HIRA: variants seen among roughly 807,000 people sequenced by gnomAD.
The protein encoded by HIRA is protein HIRA.
HIRA carries 13 observed loss-of-function variants against 126.6 expected under a neutral mutation model. The observed-to-expected ratio is 0.10, with a 90% CI of 0.07 to 0.16. The LOEUF (loss-of-function observed/expected upper bound fraction) is 0.16. HIRA is among the 10% of genes least tolerant of loss of function. The probability of loss-of-function intolerance (pLI) is 1.00; values close to 1 mark genes in which losing one functional copy is unlikely to be tolerated. For missense variants in HIRA, 834 were observed against 1,314.4 expected, an observed-to-expected ratio of 0.63 and a Z score of 5.65; for synonymous variants, 511 against 520.0, an observed-to-expected ratio of 0.98 and a Z score of 0.24.
At chr22:19,354,249 C>T in intron 21 of HIRA, 131 bp from the exon 22 acceptor site, 1 of 842,160 alleles carries the variant, frequency 1.2e-6, no homozygotes. Flanking sequence ...CCAGTAGAGG[C>T]TGAGCGCCCC....
chr22:19,411,218 C>G (rs2089349577), intron 1 of HIRA, among the ~76,000 whole-genome samples: 1 of 152,252 alleles, frequency 6.6e-6, no homozygotes, highest in African/African-American at 2.4e-5. Flanking sequence ...ACTTCTGCTT[C>G]CAAACAGCCC....
chr22:19,371,262 T>C (rs914242807), intron 15 of HIRA, among the ~76,000 whole-genome samples: 1 of 152,196 alleles, frequency 6.6e-6, no homozygotes, highest in Non-Finnish European at 1.5e-5. Context: ...TCCTCTCTAT[T>C]GCCCTGTCTT....
In HIRA at chr22:19,331,218, G is replaced by A. The variant is rs782328265; in HGVS notation, c.*222C>T. 6.1e-6 allele frequency: 9 copies of A among 1,469,138 alleles called. No homozygotes were observed. Among genetic ancestry groups the A allele is most frequent in the East Asian group, 2.8e-5 (1 of 35,102 alleles). The allele number at this position is 1,469,138 out of a possible 1,614,324, so 91.0% of individuals were successfully genotyped here. ...GCTCCAGCCCTAGCTCCGCATCGGG[G>A]GCTTGGAGGGAGGGATGAGCTTCCC... is the stretch of plus-strand genomic sequence containing the variant. On this transcript the variant is annotated 3_prime_UTR_variant, in exon 25 of 25. Transcript: ENST00000263208.
intron 1 of HIRA, 86 bp from the exon 2 acceptor site, chr22:19,410,864 T>A: frequency 9.5e-7 from 1 of 1,055,560 alleles, no homozygotes; most frequent in Non-Finnish European, 1.4e-6. Flanking sequence ...AGTTAAAGTC[T>A]AAACTGCTAG....
At chr22:19,388,636 GAA>G in intron 9 of HIRA, 82 bp from the exon 10 acceptor site, 1 of 1,064,824 alleles carries the variant, frequency 9.4e-7, no homozygotes, top group Non-Finnish European at 1.4e-6. Context: ...AACCAACCTA[GAA>G]GCCTGGGTCA....
intron 1 of HIRA, among the ~76,000 whole-genome samples, chr22:19,411,120 A>G (rs1406695802): frequency 4.6e-5 from 7 of 152,258 alleles, no homozygotes; most frequent in Non-Finnish European, 1.0e-4. Flanking sequence ...GGCAGCCTAG[A>G]CAGAAGGACT....
chr22:19,353,176 A>C (rs1556011378), intron 23 of HIRA, among the ~76,000 whole-genome samples, 180 bp downstream of exon 23: 1 of 152,192 alleles, frequency 6.6e-6, no homozygotes, highest in Non-Finnish European at 1.5e-5. Context: ...CACTCTATTC[A>C]GAGCCTCAGA....
chr22:19,355,698 T>C, intron 21 of HIRA, 62 bp downstream of exon 21: 1 of 1,249,472 alleles, frequency 8.0e-7, no homozygotes. Context: ...GACCCTTTGC[T>C]CTGCTGTCTA....
At chr22:19,340,303 T>C (rs1019453520) in intron 24 of HIRA, among the ~76,000 whole-genome samples, 4 of 151,846 alleles carry the variant, frequency 2.6e-5, no homozygotes, top group Non-Finnish European at 5.9e-5. Context: ...CGAAAAAGCA[T>C]CTGACAAAAT....
chr22:19,381,272 T>G (rs887356907), intron 13 of HIRA, among the ~76,000 whole-genome samples: 1 of 152,252 alleles, frequency 6.6e-6, no homozygotes, highest in African/African-American at 2.4e-5. Flanking sequence ...ATGGCAGCTT[T>G]TCCAGTTGAT....
At chr22:19,418,768 C>G (rs1327522590) in intron 1 of HIRA, among the ~76,000 whole-genome samples, 2 of 152,024 alleles carry the variant, frequency 1.3e-5, no homozygotes, top group African/African-American at 4.8e-5. Context: ...ACAAACAAAA[C>G]TGGGGAAATA....
rs761906815 is a variant in HIRA at position 19,405,817 on chromosome 22, C to T, written c.366G>A (p.Arg122=). Residue 122 remains arginine, a synonymous_variant, in exon 5 of 25, where the codon CGG becomes CGA. Coordinates refer to ENST00000263208, the MANE Select transcript of HIRA (RefSeq NM_003325.4). ...AATGATTCCGGAGGATAGAGACACA[C>T]CGCCACTGCTCCACATTGGCAAGCT... ...SGKLANVEQW[R]CVSILRNHSG... is the part of the protein sequence containing the mutation. 4 of 1,499,936 alleles carry T rather than the reference C, an allele frequency of 2.7e-6. No individual in the cohort carries two copies. The highest frequency in any genetic ancestry group is 2.7e-6 in the Non-Finnish European group (3 of 1,117,786). 92.9% of individuals were successfully genotyped at this position (1,499,936 alleles called of 1,614,324 possible). A position where few individuals can be genotyped will look rare whatever the true frequency, so the allele number is the denominator to read the frequency against.
chr22:19,431,365 G>C, intron 1 of HIRA, 75 bp downstream of exon 1: 1 of 1,516,412 alleles, frequency 6.6e-7, no homozygotes, highest in South Asian at 1.1e-5. Context: ...GGCAGGACTT[G>C]CGCGCGCCCC....
Position 19,353,390 on chromosome 22 carries a change from C to G in HIRA, c.2814G>C (p.Trp938Cys). The G allele has an allele frequency of 6.2e-7, 1 of 1,613,012 alleles. No individual in the cohort carries two copies. The highest frequency in any genetic ancestry group is 8.5e-7 in the Non-Finnish European group (1 of 1,180,000). The change falls in exon 23 of 25, where the codon TGG (tryptophan) becomes TGC (cysteine). Residue 938 changes from tryptophan to cysteine, a missense_variant. By Grantham distance (215) the Trp-to-Cys change is radical. Coordinates refer to ENST00000263208, the MANE Select transcript of HIRA (RefSeq NM_003325.4). ...TLQSSHEYRHWLLVYARYLVN... is the reference protein window; with the variant it reads ...TLQSSHEYRHCLLVYARYLVN... Reference sequence around the variant, plus strand: ...CGAGGTACCGTGCGTAGACGAGGAGCCAATGGCGGTACTCGTGGCTGGACT... The same window carrying G: ...CGAGGTACCGTGCGTAGACGAGGAGGCAATGGCGGTACTCGTGGCTGGACT...
intron 24 of HIRA, among the ~76,000 whole-genome samples, chr22:19,333,506 G>A (rs2088519651): frequency 6.6e-6 from 1 of 152,120 alleles, no homozygotes; most frequent in African/African-American, 2.4e-5. Flanking sequence ...TGACATCAAG[G>A]ATGAGATTTT....
chr22:19,376,062 C>T (rs1479232412), intron 14 of HIRA, among the ~76,000 whole-genome samples: 1 of 152,152 alleles, frequency 6.6e-6, no homozygotes, highest in Non-Finnish European at 1.5e-5. Flanking sequence ...AGGCCTAGAA[C>T]ATGGTTCTTA....
intron 12 of HIRA, among the ~76,000 whole-genome samples, chr22:19,384,342 A>AAG (rs1491010822): frequency 3.3e-5 from 5 of 151,368 alleles, no homozygotes; most frequent in African/African-American, 1.2e-4. Context: ...AAAAAAAAAA[A>AAG]AGAGAGATAT....
rs544099601 is a variant in HIRA at position 19,354,080 on chromosome 22, C to A, written c.2600G>T (p.Cys867Phe). Residue 867 changes from cysteine to phenylalanine, a missense_variant, in exon 22 of 25, where the codon TGT becomes TTT. By Grantham distance (205) the Cys-to-Phe change is radical. Coordinates refer to ENST00000263208, the MANE Select transcript of HIRA (RefSeq NM_003325.4). ...VSDKQDSLAQ[C>F]ADFRSSLPSQ... is the part of the protein sequence containing the mutation. Reference sequence around the variant, plus strand: ...TGGCAGGCTGCTCCTAAAGTCTGCACACTGAGCCAGTGAGTCCTGCTTGTC... The same window carrying A: ...TGGCAGGCTGCTCCTAAAGTCTGCAAACTGAGCCAGTGAGTCCTGCTTGTC... 8 of 1,613,060 alleles carry A rather than the reference C, an allele frequency of 5.0e-6. No homozygotes were observed. The Admixed American group carries it at 6.7e-5, about 13-fold the overall frequency.
At position 19,431,450 on chromosome 22, in the gene HIRA, G is replaced by A; in HGVS notation, c.27C>T (p.Val9=). The A allele has an allele frequency of 6.2e-6, 10 of 1,608,520 alleles. No homozygotes were observed. The highest frequency in any genetic ancestry group is 1.3e-5 in the African/African-American group (1 of 74,780). The part of the protein sequence containing the change: MKLLKPTW[V]NHNGKPIFSV... ...CCTGCGCGCACTCACCATTGTGGTT[G>A]ACCCAGGTCGGCTTCAGGAGCTTCA... The change falls in exon 1 of 25, where the codon GTC becomes GTT. Residue 9 remains valine, a synonymous_variant. Transcript: ENST00000263208.
Sources: allele counts gnomAD v4.1 joint callset (sites outside exome capture counted in the v4.1 genomes callset), GRCh38; gene constraint gnomAD v4.1.1; transcripts MANE v1.5; gene names NCBI Gene and HGNC (gene_info 2026-07-23, HGNC 2026-07-21).